DYNC2H1: variants seen among roughly 807,000 people sequenced by gnomAD.
The protein encoded by DYNC2H1 is cytoplasmic dynein 2 heavy chain 1.
In DYNC2H1, 410 loss-of-function variants were observed where a neutral mutation model predicts 570.0. The ratio of observed to expected loss-of-function variants is 0.72; its 90% CI spans 0.66 to 0.78. DYNC2H1 has a LOEUF of 0.78. DYNC2H1 is among the 30% of genes least tolerant of loss of function. The probability of loss-of-function intolerance (pLI) is 0.00; values close to 1 mark genes in which losing one functional copy is unlikely to be tolerated. For synonymous variants in DYNC2H1, 1,688 were observed against 1,677.6 expected (o/e 1.01, Z -0.15); for missense variants, 4,865 against 5,046.4 (o/e 0.96, Z 1.09).
chr11:103,389,607 C>T (rs1305661281), intron 83 of DYNC2H1, among the ~76,000 whole-genome samples: 1 of 152,076 alleles, frequency 6.6e-6, no homozygotes. Flanking sequence ...AATTTTGGAT[C>T]TTTCCTGCTT....
chr11:103,371,938 T>TG (rs963732966), intron 83 of DYNC2H1, among the ~76,000 whole-genome samples: 2 of 145,150 alleles, frequency 1.4e-5, no homozygotes, highest in African/African-American at 2.5e-5. Context: ...TTTTTTTTTT[T>TG]TTTTTTTTTT....
At chr11:103,330,286 G>A (rs1025950863) in intron 82 of DYNC2H1, among the ~76,000 whole-genome samples, 4 of 140,484 alleles carry the variant, frequency 2.8e-5, no homozygotes, top group Admixed American at 1.4e-4. Context: ...CTTTTTGCAT[G>A]AATTAGATCA....
rs532735414 is a variant in DYNC2H1, at chr11:103,331,539, G to A, written c.12039+7549G>A. 3.3e-5 allele frequency among the ~76,000 whole-genome samples: 5 copies of A among 152,166 alleles called. No homozygotes were observed. In the East Asian group the frequency reaches 9.7e-4, roughly 29 times the overall value. ...TCCTCATTTAACACAAATCCCTAAA[G>A]GCCTATCAGAAAGAAAGTTATATGC... On this transcript the variant is annotated intron_variant, in intron 82 of 88. Coordinates refer to ENST00000375735, the MANE Select transcript of DYNC2H1 (RefSeq NM_001377.3).
chr11:103,291,636 C>G (rs1384540867), intron 75 of DYNC2H1, among the ~76,000 whole-genome samples: 6 of 152,040 alleles, frequency 3.9e-5, no homozygotes, highest in Admixed American at 3.9e-4. Flanking sequence ...GATGATCTGT[C>G]TAATGCTTAT....
chr11:103,474,514 G>C (rs116812111), intron 88 of DYNC2H1, among the ~76,000 whole-genome samples: 3 of 152,016 alleles, frequency 2.0e-5, no homozygotes, highest in Admixed American at 1.3e-4. Flanking sequence ...TCATTGTTTG[G>C]TTTTGCTTTT....
chr11:103,257,648 A>T lies in DYNC2H1; in HGVS notation c.10502A>T (p.Lys3501Met). ...CTCCCCCTGGCTGAGAGTGCCAGCA[A>T]GATGTACTTCATTATTTCTGATTTG... The part of the protein sequence containing the change: ...AYLPLAESAS[K>M]MYFIISDLSK... The change falls in exon 69 of 89, where the codon AAG (lysine) becomes ATG (methionine). Residue 3501 changes from lysine to methionine, a missense_variant. Lys to Met is a moderately conservative substitution (Grantham distance 95). Around this residue, in one of 5 missense-constraint regions of DYNC2H1, gnomAD observed 2,401 missense variants for 2,454.6 expected, o/e 0.98. Coordinates refer to ENST00000375735, the MANE Select transcript of DYNC2H1 (RefSeq NM_001377.3). 1 of 1,613,170 alleles carries T rather than the reference A, an allele frequency of 6.2e-7. No homozygotes were observed. The highest frequency in any genetic ancestry group is 8.5e-7 in the Non-Finnish European group (1 of 1,179,360).
At chr11:103,141,356 G>C (rs543779336) in intron 17 of DYNC2H1, among the ~76,000 whole-genome samples, 4 of 152,146 alleles carry the variant, frequency 2.6e-5, no homozygotes, top group East Asian at 1.9e-4. Flanking sequence ...GGTCTTCAAT[G>C]ATGGTGATGT....
chr11:103,330,413 TTC>T (rs1938717522), intron 82 of DYNC2H1, among the ~76,000 whole-genome samples: 1 of 151,710 alleles, frequency 6.6e-6, no homozygotes, highest in South Asian at 2.1e-4. Flanking sequence ...GAAATTATAC[TTC>T]TCTTATAACT....
Position 103,181,296 on chromosome 11 carries a change from G to C in DYNC2H1, c.6348-461G>C, listed in dbSNP as rs1490802468. ...GCATTTTAAACTCTAATGTGCATTT[G>C]AATCATCAAGGGGTCTTATTAAAAT... On this transcript the variant is annotated intron_variant, in intron 39 of 88. Coordinates refer to ENST00000375735, the MANE Select transcript of DYNC2H1 (RefSeq NM_001377.3). This position sits in a 1 kb window ranked among gnomAD's most constrained non-coding sequence, Gnocchi z 5.0. 6.6e-6 allele frequency among the ~76,000 whole-genome samples: 1 copy of C among 151,510 alleles called. No homozygotes were observed. The highest frequency in any genetic ancestry group is 1.5e-5 in the Non-Finnish European group (1 of 67,648).
intron 59 of DYNC2H1, among the ~76,000 whole-genome samples, chr11:103,224,863 A>C (rs1007218946): frequency 2.6e-5 from 4 of 152,218 alleles, no homozygotes; most frequent in African/African-American, 9.6e-5. Context: ...TTACATTCCT[A>C]CCAAAAGTGT....
intron 65 of DYNC2H1, among the ~76,000 whole-genome samples, chr11:103,246,513 G>T (rs1864624408): frequency 1.3e-5 from 2 of 152,020 alleles, no homozygotes; most frequent in Non-Finnish European, 2.9e-5. Context: ...ATCATGATTG[G>T]TTCACATTTT....
chr11:103,479,025 C>A, intron 88 of DYNC2H1, 70 bp from the exon 89 acceptor site: 1 of 1,517,160 alleles, frequency 6.6e-7, no homozygotes, highest in Non-Finnish European at 9.0e-7. Flanking sequence ...TGTTTGTTTC[C>A]TTGGTTATCT....
At chr11:103,348,854 A>T (rs1939896264) in intron 82 of DYNC2H1, among the ~76,000 whole-genome samples, 3 of 152,078 alleles carry the variant, frequency 2.0e-5, no homozygotes, top group African/African-American at 7.2e-5. Flanking sequence ...AGTTTCCCCC[A>T]GGCTGTTCTC....
At chr11:103,238,583 A>G (rs913135991) in intron 63 of DYNC2H1, among the ~76,000 whole-genome samples, 1 of 5,068 alleles carries the variant, frequency 2.0e-4, no homozygotes, top group African/African-American at 2.6e-4. Flanking sequence ...ACACACACAT[A>G]CACACACACA....
At chr11:103,320,356 C>T (rs542591799) in intron 80 of DYNC2H1, among the ~76,000 whole-genome samples, 1 of 152,040 alleles carries the variant, frequency 6.6e-6, no homozygotes, top group Non-Finnish European at 1.5e-5. Flanking sequence ...GAGCTGAGAT[C>T]GCGTCATTGC....
chr11:103,287,747 C>T, intron 75 of DYNC2H1, 142 bp downstream of exon 75: 1 of 735,738 alleles, frequency 1.4e-6, no homozygotes, highest in Non-Finnish European at 2.1e-6. Context: ...CCAATCTCTA[C>T]CTGTTTTAGA....
At position 103,222,154 on chromosome 11, in the gene DYNC2H1, G is replaced by GCCTTTTTTTTTTTTTTTATACT; in HGVS notation, c.9231+1_9231+2insCCTTTTTTTTTTTTTTTATACT. 1 of 1,530,828 alleles carries GCCTTTTTTTTTTTTTTTATACT rather than the reference G, an allele frequency of 6.5e-7. No homozygotes were observed. The highest frequency in any genetic ancestry group is 8.9e-7 in the Non-Finnish European group (1 of 1,128,546). 94.8% of individuals were successfully genotyped at this position (1,530,828 alleles called of 1,614,324 possible). ...AAATAAAGGCTCTTTTGATCCAAAG[G>GCCTTTTTTTTTTTTTTTATACT]TAATTTTTAAGTTATACTATAAATT... On this transcript the variant is annotated splice_donor_variant, in intron 58 of 88. Transcript: ENST00000375735. LOFTEE classifies it high-confidence loss of function.
intron 76 of DYNC2H1, among the ~76,000 whole-genome samples, chr11:103,304,139 T>G (rs1191482153): frequency 6.6e-6 from 1 of 152,126 alleles, no homozygotes; most frequent in East Asian, 1.9e-4. Context: ...TTAATAATGA[T>G]TTTTTAAACA....
chr11:103,278,521 G>T lies in DYNC2H1; in HGVS notation c.10696-1827G>T, dbSNP rs1429344595. ...GTCACCTGGCTAGTAAAATAGGAGG[G>T]ATGGAATTTATATCCAGTTTCTTGA... On this transcript the variant is annotated intron_variant, in intron 70 of 88. Transcript: ENST00000375735. Among the ~76,000 whole-genome samples the T allele has an allele frequency of 2.0e-5, 3 of 152,120 alleles. No individual in the cohort carries two copies. The South Asian group carries it at 6.2e-4, about 32-fold the overall frequency.
Sources: gnomAD v4.1 joint callset for allele counts (sites outside exome capture counted in the v4.1 genomes callset) on GRCh38, gnomAD v4.1.1 for gene constraint, gnomAD v4.1.1 regional missense constraint, Gnocchi (gnomAD v3.1) non-coding constraint, MANE v1.5 for transcripts, NCBI Gene and HGNC (gene_info 2026-07-23, HGNC 2026-07-21) for gene names.